LAMA1: variants seen among roughly 807,000 people sequenced by gnomAD.
The protein encoded by LAMA1 is laminin subunit alpha 1, also known as laminin subunit alpha-1.
A neutral mutation model predicts 348.7 loss-of-function variants in LAMA1; 219 were observed. The observed-to-expected ratio is 0.63, with a 90% CI of 0.56 to 0.70. The LOEUF is 0.70. Among genes scored for constraint, LAMA1 ranks in the 30% least tolerant of loss-of-function variants. The pLI is 0.00. For synonymous variants in LAMA1, 1,487 were observed against 1,491.0 expected (o/e 1.00, Z 0.06); for missense variants, 3,744 against 3,888.0 (o/e 0.96, Z 0.99).
intron 33 of LAMA1, among the ~76,000 whole-genome samples, chr18:6,996,950 G>A (rs1027343574): frequency 6.6e-6 from 1 of 152,140 alleles, no homozygotes; most frequent in African/African-American, 2.4e-5. Flanking sequence ...CTTCCAGGGA[G>A]GAGAGATTTT....
rs959630476 is a variant in LAMA1 at position 7,037,782 on chromosome 18, T to A, written c.1564-31A>T. On this transcript the variant is annotated intron_variant, in intron 11 of 62. Transcript: ENST00000389658. ...AAACAAATTCAAGAATTTTGAAGTA[T>A]GAAATAGAACTTACCTTAGATTTCA... 3.1e-6 allele frequency: 5 copies of A among 1,609,314 alleles called. No homozygotes were observed. In the African/African-American group the frequency reaches 5.3e-5, roughly 17 times the overall value.
chr18:7,017,501 C>G (rs1321619630), intron 19 of LAMA1, 117 bp from the exon 20 acceptor site: 1 of 769,412 alleles, frequency 1.3e-6, no homozygotes, highest in Non-Finnish European at 2.3e-6. Context: ...AATCACAAAA[C>G]TAAAAATAAT....
At chr18:7,004,204 G>A (rs1250707489) in intron 29 of LAMA1, among the ~76,000 whole-genome samples, 21 of 152,148 alleles carry the variant, frequency 1.4e-4, no homozygotes, top group Admixed American at 1.4e-3. Flanking sequence ...AATTCACAGA[G>A]AATGCCTGCC....
At chr18:6,974,454 T>TC (rs1193273295) in intron 46 of LAMA1, among the ~76,000 whole-genome samples, 3 of 147,004 alleles carry the variant, frequency 2.0e-5, no homozygotes, top group African/African-American at 2.6e-5. Context: ...TTATTTCTTT[T>TC]CTTTTTTTTT....
chr18:6,998,716 A>C (rs1428199197), intron 32 of LAMA1, among the ~76,000 whole-genome samples: 5 of 152,178 alleles, frequency 3.3e-5, no homozygotes, highest in African/African-American at 9.7e-5. Context: ...AGAATAAATC[A>C]GAACTGGAAA....
intron 3 of LAMA1, among the ~76,000 whole-genome samples, chr18:7,067,525 G>A (rs866232733): frequency 6.6e-6 from 1 of 151,828 alleles, no homozygotes; most frequent in Non-Finnish European, 1.5e-5. Context: ...AGGGAGGAGA[G>A]CAAGTGGGGA....
intron 57 of LAMA1, 90 bp from the exon 58 acceptor site, chr18:6,951,061 G>A (rs17439137): frequency 0.37 from 423,096 of 1,154,088 alleles, 81,350 homozygotes; most frequent in Non-Finnish European, 0.4. Context: ...TTGTTTCAGC[G>A]TTTACATTGA....
At chr18:6,966,340 G>A in intron 48 of LAMA1, 43 bp from the exon 49 acceptor site, 1 of 1,584,358 alleles carries the variant, frequency 6.3e-7, no homozygotes, top group Non-Finnish European at 8.6e-7. Flanking sequence ...TCTCAGGAGG[G>A]TAGAAAGAAC....
At chr18:7,040,393 C>T (rs959739547) in intron 9 of LAMA1, among the ~76,000 whole-genome samples, 157 bp from the exon 10 acceptor site, 10 of 152,152 alleles carry the variant, frequency 6.6e-5, no homozygotes, top group African/African-American at 9.7e-5. Flanking sequence ...CATTATTGTT[C>T]GAACACAGCC....
chr18:7,004,501 A>T (rs1342089596), intron 29 of LAMA1, among the ~76,000 whole-genome samples: 1 of 152,042 alleles, frequency 6.6e-6, no homozygotes, highest in Non-Finnish European at 1.5e-5. Context: ...TACATGCATG[A>T]GCCACCACGC....
Position 7,015,783 on chromosome 18 carries a change from C to A in LAMA1, c.3065G>T (p.Gly1022Val). ...GECVCPPHTQ[G>V]VKCEECEDGH... The stretch of plus-strand genomic sequence containing the variant: ...ATCCTCACATTCTTCACACTTCACA[C>A]CCTGTGTGTGAGGGGGGCAGACACA... Residue 1022 changes from glycine (G) to valine (V), a missense_variant, in exon 22 of 63, where the codon GGT becomes GTT. Transcript: ENST00000389658. 6.2e-7 allele frequency: 1 copy of A among 1,614,160 alleles called. No homozygotes were observed. The highest frequency in any genetic ancestry group is 8.5e-7 in the Non-Finnish European group (1 of 1,180,024).
At position 7,042,137 on chromosome 18, in the gene LAMA1, G is replaced by C. The variant is rs529852659; in HGVS notation, c.1261+8C>G. ...AATTACAAGCACAAAAGTGAATCAA[G>C]TACTTACCATTGTGTAAGTCAGAAT... On this transcript the variant is annotated splice_region_variant and intron_variant, in intron 9 of 62. Coordinates refer to ENST00000389658, the MANE Select transcript of LAMA1 (RefSeq NM_005559.4). 5.7e-5 allele frequency: 89 copies of C among 1,565,302 alleles called. No homozygotes were observed. In the South Asian group the frequency reaches 9.4e-4, roughly 17 times the overall value.
intron 41 of LAMA1, among the ~76,000 whole-genome samples, chr18:6,980,929 CTAAAAA>C (rs1222674546): frequency 6.6e-6 from 1 of 151,938 alleles, no homozygotes; most frequent in Non-Finnish European, 1.5e-5. Flanking sequence ...CCCGTCTCTA[CTAAAAA>C]TAAAAATAAA....
At chr18:6,977,612 G>T in intron 44 of LAMA1, 115 bp downstream of exon 44, 1 of 1,192,290 alleles carries the variant, frequency 8.4e-7, no homozygotes. Context: ...TTGGGATCTG[G>T]GTCTTTGGAA....
At chr18:7,048,925 A>G (rs531306530) in intron 5 of LAMA1, among the ~76,000 whole-genome samples, 153 bp downstream of exon 5, 16 of 152,328 alleles carry the variant, frequency 1.1e-4, no homozygotes, top group East Asian at 3.9e-4. Context: ...CAACATAGCA[A>G]TCTTACATGA....
In LAMA1 at chr18:7,117,533, C is replaced by G. The variant is rs549956289; in HGVS notation, c.61+127G>C. 1,125 of 943,862 alleles carry G rather than the reference C, an allele frequency of 1.2e-3. 2 individuals carry two copies. The highest frequency in any genetic ancestry group is 1.7e-3 in the Non-Finnish European group (1,079 of 637,482). 58.5% of individuals were successfully genotyped at this position (943,862 alleles called of 1,614,324 possible). ...CGGGAGACCCACGTGGCCGAGACAC[C>G]CACTCCGAGGTGGATCAGGATGCGC... is the stretch of plus-strand genomic sequence containing the variant. On this transcript the variant is annotated intron_variant, in intron 1 of 62. Coordinates refer to ENST00000389658, the MANE Select transcript of LAMA1 (RefSeq NM_005559.4).
chr18:7,083,985 AT>A (rs1247761161), intron 1 of LAMA1, among the ~76,000 whole-genome samples: 1 of 150,416 alleles, frequency 6.6e-6, no homozygotes, highest in African/African-American at 2.4e-5. Flanking sequence ...AGGCAGGAGA[AT>A]CACTTAAAGT....
chr18:7,087,261 G>A (rs2058221559), intron 1 of LAMA1, among the ~76,000 whole-genome samples: 1 of 152,170 alleles, frequency 6.6e-6, no homozygotes, highest in South Asian at 2.1e-4. Context: ...TCCCTTCATA[G>A]GTTAACCTTC....
At chr18:6,943,949 T>C (rs189433328) in intron 61 of LAMA1, among the ~76,000 whole-genome samples, 22 of 152,298 alleles carry the variant, frequency 1.4e-4, no homozygotes, top group Admixed American at 9.1e-4. Context: ...CACTGCATCC[T>C]TAAATGAGGG....
Sources: gnomAD v4.1 joint callset for allele counts (sites outside exome capture counted in the v4.1 genomes callset) on GRCh38, gnomAD v4.1.1 for gene constraint, MANE v1.5 for transcripts, NCBI Gene and HGNC (gene_info 2026-07-23, HGNC 2026-07-21) for gene names.